Variants in DLG2 observed in about 807,000 individuals in gnomAD.
DLG2 encodes the protein disks large homolog 2.
DLG2 carries 45 observed loss-of-function variants against 132.5 expected under a neutral mutation model. The observed-to-expected ratio is 0.34, with a 90% CI of 0.27 to 0.44. DLG2 has a LOEUF of 0.44. Among genes scored for constraint, DLG2 ranks in the 20% least tolerant of loss-of-function variants. The probability of loss-of-function intolerance (pLI) is 1.00; values close to 1 mark genes in which losing one functional copy is unlikely to be tolerated. For missense variants in DLG2, 1,045 were observed against 1,196.9 expected (o/e 0.87, Z 1.87); for synonymous variants, 424 against 419.6 (o/e 1.01, Z -0.13).
intron 6 of DLG2, among the ~76,000 whole-genome samples, chr11:84,772,166 CA>C (rs1019216810): frequency 2.4e-4 from 35 of 145,124 alleles, no homozygotes; most frequent in South Asian, 4.4e-4. Context: ...CAACAAAAAC[CA>C]AAAAAAAAAG....
intron 14 of DLG2, among the ~76,000 whole-genome samples, chr11:83,960,590 C>T (rs1210439947): frequency 6.6e-6 from 1 of 151,206 alleles, no homozygotes; most frequent in Non-Finnish European, 1.5e-5. Context: ...GGAGGGGGTT[C>T]TGCATAAATT....
chr11:84,475,098 G>C (rs982912834), intron 7 of DLG2, among the ~76,000 whole-genome samples: 1 of 152,098 alleles, frequency 6.6e-6, no homozygotes, highest in African/African-American at 2.4e-5. Context: ...TGAGCTGATA[G>C]CACATGTTGA....
chr11:85,539,038 C>T (rs1474129253), intron 3 of DLG2, among the ~76,000 whole-genome samples: 1 of 151,818 alleles, frequency 6.6e-6, no homozygotes, highest in Non-Finnish European at 1.5e-5. Flanking sequence ...TCAGATCCAC[C>T]TTGTCTGAAA....
chr11:84,829,942 G>T (rs1187735304), intron 6 of DLG2, among the ~76,000 whole-genome samples: 1 of 151,604 alleles, frequency 6.6e-6, no homozygotes, highest in Non-Finnish European at 1.5e-5. Flanking sequence ...CCAAAGATAG[G>T]ATTTGAGGCA....
intron 5 of DLG2, among the ~76,000 whole-genome samples, chr11:85,143,463 T>C (rs1019726270): frequency 3.3e-5 from 5 of 151,756 alleles, no homozygotes; most frequent in Non-Finnish European, 5.9e-5. Flanking sequence ...AGTTTGTTGA[T>C]TTACTAATTT....
chr11:84,834,464 C>G (rs1309761357), intron 6 of DLG2, among the ~76,000 whole-genome samples: 11 of 151,552 alleles, frequency 7.3e-5, no homozygotes. Context: ...GCCTATTGAA[C>G]AACCTCTGCA....
At chr11:83,870,271 T>A (rs896985657) in intron 16 of DLG2, among the ~76,000 whole-genome samples, 1 of 152,194 alleles carries the variant, frequency 6.6e-6, no homozygotes, top group Non-Finnish European at 1.5e-5. Context: ...TTTCGCACTG[T>A]CCAACCTCCT....
At chr11:84,097,098 A>G (rs1169745937) in intron 10 of DLG2, among the ~76,000 whole-genome samples, 2 of 152,196 alleles carry the variant, frequency 1.3e-5, no homozygotes, top group Non-Finnish European at 2.9e-5. Flanking sequence ...TCCTTAAGTC[A>G]CAGTCCTCAA....
chr11:85,617,793 C>T (rs2081439702), intron 2 of DLG2, among the ~76,000 whole-genome samples: 1 of 152,278 alleles, frequency 6.6e-6, no homozygotes, highest in South Asian at 2.1e-4. Context: ...AAAGATGTCA[C>T]AGTCCTTCAA....
At chr11:84,269,729 T>A (rs1408586431) in intron 7 of DLG2, among the ~76,000 whole-genome samples, 2 of 152,204 alleles carry the variant, frequency 1.3e-5, no homozygotes, top group African/African-American at 4.8e-5. Context: ...TCTTTTTGAC[T>A]GACAGAAGCC....
intron 16 of DLG2, among the ~76,000 whole-genome samples, chr11:83,864,249 G>C (rs140576119): frequency 5.9e-5 from 9 of 152,232 alleles, no homozygotes; most frequent in African/African-American, 2.2e-4. Flanking sequence ...TTGTTCTTTT[G>C]TTCTGTAATT....
chr11:84,971,208 T>C (rs1178111590), intron 6 of DLG2, among the ~76,000 whole-genome samples: 2 of 152,204 alleles, frequency 1.3e-5, no homozygotes, highest in African/African-American at 4.8e-5. Context: ...CGAAAAAATG[T>C]GTCCTTTGTT....
chr11:85,412,379 CT>C (rs1008404315), intron 3 of DLG2, among the ~76,000 whole-genome samples: 1 of 151,638 alleles, frequency 6.6e-6, no homozygotes, highest in Non-Finnish European at 1.5e-5. Context: ...TGATGACATT[CT>C]TTTTTTCCCA....
intron 6 of DLG2, among the ~76,000 whole-genome samples, chr11:84,775,251 C>T (rs1343539425): frequency 6.6e-6 from 1 of 151,920 alleles, no homozygotes; most frequent in Non-Finnish European, 1.5e-5. Context: ...ATCAGAATGG[C>T]TATTATTAAA....
At chr11:85,127,935 C>A (rs1341412784) in intron 5 of DLG2, among the ~76,000 whole-genome samples, 1 of 152,100 alleles carries the variant, frequency 6.6e-6, no homozygotes, top group Non-Finnish European at 1.5e-5. Context: ...TAATGCCTGG[C>A]AATAACTTTT....
chr11:84,966,358 C>T (rs1469751393), intron 6 of DLG2, among the ~76,000 whole-genome samples: 1 of 152,072 alleles, frequency 6.6e-6, no homozygotes, highest in Admixed American at 6.6e-5. Flanking sequence ...CCATCTTTCT[C>T]ACATAATATG....
intron 5 of DLG2, among the ~76,000 whole-genome samples, chr11:85,152,800 C>A (rs1272647187): frequency 6.6e-6 from 1 of 152,180 alleles, no homozygotes; most frequent in Non-Finnish European, 1.5e-5. Flanking sequence ...TGTGTTTCTA[C>A]CTTGTTACCT....
chr11:83,792,822 G>A (rs1311873101), intron 17 of DLG2, among the ~76,000 whole-genome samples: 1 of 152,096 alleles, frequency 6.6e-6, no homozygotes, highest in Non-Finnish European at 1.5e-5. Flanking sequence ...ACAGTAAGTT[G>A]TTGAGTAAAG....
chr11:85,145,285 T>C (rs548696857), intron 5 of DLG2, among the ~76,000 whole-genome samples: 2 of 152,252 alleles, frequency 1.3e-5, no homozygotes, highest in African/African-American at 4.8e-5. Flanking sequence ...GGGAATTTGA[T>C]TATTAAATGT....
Sources: gnomAD v4.1 joint callset for allele counts (sites outside exome capture counted in the v4.1 genomes callset) on GRCh38, gnomAD v4.1.1 for gene constraint, MANE v1.5 for transcripts, NCBI Gene and HGNC (gene_info 2026-07-23, HGNC 2026-07-21) for gene names.